TRANK1: variants seen among roughly 807,000 people sequenced by gnomAD.
TRANK1 encodes TPR and ankyrin repeat-containing protein 1.
TRANK1 carries 198 observed loss-of-function variants against 266.0 expected under a neutral mutation model. The ratio of observed to expected loss-of-function variants is 0.74; its 90% CI spans 0.66 to 0.84. The LOEUF (loss-of-function observed/expected upper bound fraction) is 0.84. Among genes scored for constraint, TRANK1 ranks in the 40% least tolerant of loss-of-function variants. TRANK1 has a pLI of 0.00. For synonymous variants in TRANK1, 1,396 were observed against 1,384.1 expected (o/e 1.01, Z -0.19); for missense variants, 3,326 against 3,634.6 (o/e 0.92, Z 2.18).
In TRANK1 at chr3:36,832,964, C is replaced by T. The variant is rs751872402; in HGVS notation, c.6619G>A (p.Glu2207Lys). The change falls in exon 22 of 24, where the codon GAA (glutamate) becomes AAA (lysine). Residue 2207 changes from glutamate to lysine, a missense_variant. Transcript: ENST00000645898. The stretch of plus-strand genomic sequence containing the variant: ...CGCCGCAGAGGCCTGTGAAAATGTT[C>T]ACAGTTTTCATCCTCACATTTTAAG... ...VGLKCEDENC[E>K]HFHRPLRRCE... The T allele has an allele frequency of 6.2e-7, 1 of 1,611,322 alleles. No homozygotes were observed. The highest frequency in any genetic ancestry group is 1.1e-5 in the South Asian group (1 of 90,756).
intron 13 of TRANK1, among the ~76,000 whole-genome samples, chr3:36,853,202 A>T (rs537296942): frequency 6.6e-6 from 1 of 152,308 alleles, no homozygotes; most frequent in Non-Finnish European, 1.5e-5. Flanking sequence ...GACAGATGAG[A>T]CAATTGCACT....
intron 1 of TRANK1, chr3:36,908,707 G>C: frequency 1.1e-6 from 1 of 884,164 alleles, no homozygotes; most frequent in Non-Finnish European, 1.4e-6. Flanking sequence ...TAATGATCTG[G>C]AGGAGGCTGC....
chr3:36,898,991 G>T, intron 4 of TRANK1, 118 bp downstream of exon 4: 1 of 1,110,058 alleles, frequency 9.0e-7, no homozygotes, highest in Non-Finnish European at 1.3e-6. Flanking sequence ...TCATTAAACT[G>T]CATAAATCAG....
At chr3:36,852,458 T>C in intron 13 of TRANK1, 113 bp from the exon 14 acceptor site, 1 of 974,530 alleles carries the variant, frequency 1.0e-6, no homozygotes, top group Non-Finnish European at 1.5e-6. Flanking sequence ...CCCTACAGTA[T>C]GTATAATTGC....
intron 19 of TRANK1, 24 bp from the exon 20 acceptor site, chr3:36,838,528 T>C (rs2078800375): frequency 6.2e-7 from 1 of 1,613,964 alleles, no homozygotes; most frequent in Non-Finnish European, 8.5e-7. Flanking sequence ...AACAAAATAA[T>C]ATTTCCACGG....
rs76807418 is a variant in TRANK1, at chr3:36,836,163, G to A, written c.5518-1256C>T. Among the ~76,000 whole-genome samples, 307 of 152,314 alleles carry A rather than the reference G, an allele frequency of 2.0e-3. 4 individuals are homozygous for A. Among genetic ancestry groups the A allele is most frequent in the African/African-American group, 6.8e-3 (284 of 41,560 alleles). On this transcript the variant is annotated intron_variant, in intron 20 of 23. Coordinates refer to ENST00000645898, the MANE Select transcript of TRANK1 (RefSeq NM_001329998.2). ...GAACCCTCATGCACAAAGTGGAATGGCTATCCCAGAAAGCGAAGGGACTGT... is the reference window on the plus strand; with the variant it reads ...GAACCCTCATGCACAAAGTGGAATGACTATCCCAGAAAGCGAAGGGACTGT...
rs1330913999 is a variant in TRANK1, at chr3:36,879,900, ATG to A, written c.908-5606_908-5605del. Among the ~76,000 whole-genome samples the A allele has an allele frequency of 1.2e-4, 9 of 75,020 alleles. 3 individuals are homozygous for A. Among genetic ancestry groups the A allele is most frequent in the Non-Finnish European group, 1.6e-4 (7 of 44,704 alleles). 49.2% of individuals were successfully genotyped at this position (75,020 alleles called of 152,430 possible). A position where few individuals can be genotyped will look rare whatever the true frequency, so the allele number is the denominator to read the frequency against. On this transcript the variant is annotated intron_variant, in intron 8 of 23. Coordinates refer to ENST00000645898, the MANE Select transcript of TRANK1 (RefSeq NM_001329998.2). ...CAAATATATGTAAACATGCAAATATATGTAAACATGCAAATATATGTAAACAT... is the reference window on the plus strand; with the variant it reads ...CAAATATATGTAAACATGCAAATATATAAACATGCAAATATATGTAAACAT...
chr3:36,877,852 G>A (rs751542173), intron 8 of TRANK1, among the ~76,000 whole-genome samples: 2 of 152,116 alleles, frequency 1.3e-5, no homozygotes, highest in East Asian at 1.9e-4. Context: ...ATTGACCATC[G>A]TTCACCAGTA....
chr3:36,848,821 T>A lies in TRANK1; in HGVS notation c.4888-1475A>T, dbSNP rs144834017. ...AAGGAAAGTAGGCAGAAGACACAAGTGTTTGACATTTGAGAGGATCCTCCT... is the reference window on the plus strand; with the variant it reads ...AAGGAAAGTAGGCAGAAGACACAAGAGTTTGACATTTGAGAGGATCCTCCT... On this transcript the variant is annotated intron_variant, in intron 15 of 23. Coordinates refer to ENST00000645898, the MANE Select transcript of TRANK1 (RefSeq NM_001329998.2). Among the ~76,000 whole-genome samples, 19 of 152,286 alleles carry A rather than the reference T, an allele frequency of 1.2e-4. No individual in the cohort carries two copies. The East Asian group carries it at 3.5e-3, about 28-fold the overall frequency.
In TRANK1 at chr3:36,847,351, A is replaced by AC; in HGVS notation, c.4888-6dup. On this transcript the variant is annotated splice_region_variant and splice_polypyrimidine_tract_variant and intron_variant, in intron 15 of 23. Transcript: ENST00000645898. ...GATCTTCCATTCCTTATAAGCCTGA[A>AC]CAACAACAAAAAAGTGAAGACCAAC... 6.2e-7 allele frequency: 1 copy of AC among 1,613,122 alleles called. No individual in the cohort carries two copies. The highest frequency in any genetic ancestry group is 8.5e-7 in the Non-Finnish European group (1 of 1,179,420).
chr3:36,834,675 C>T, intron 21 of TRANK1, 87 bp downstream of exon 21: 1 of 1,456,390 alleles, frequency 6.9e-7, no homozygotes, highest in Non-Finnish European at 9.2e-7. Flanking sequence ...ATGTCAGAAG[C>T]AGCAGGATAG....
Position 36,846,401 on chromosome 3 carries a change from G to T in TRANK1, c.5038C>A (p.Leu1680Ile). The T allele has an allele frequency of 6.2e-7, 1 of 1,611,582 alleles. No individual in the cohort carries two copies. Among genetic ancestry groups the T allele is most frequent in the African/African-American group, 1.3e-5 (1 of 74,902 alleles). ...LMVNPEMYKL[L>I]NGELKQLYTA... ...TACAGCTGCTTCAGCTCTCCGTTGA[G>T]GAGCTAAAGATAACATTGAGGACAA... The change falls in exon 17 of 24, where the codon CTC (leucine) becomes ATC (isoleucine). Residue 1680 changes from leucine (L) to isoleucine (I), a missense_variant. Coordinates refer to ENST00000645898, the MANE Select transcript of TRANK1 (RefSeq NM_001329998.2).
In TRANK1 at chr3:36,830,974, C is replaced by T; in HGVS notation, c.8609G>A (p.Gly2870Asp). The T allele has an allele frequency of 1.2e-6, 2 of 1,614,010 alleles. No individual in the cohort carries two copies. The highest frequency in any genetic ancestry group is 1.7e-6 in the Non-Finnish European group (2 of 1,179,892). ...EQSVWIHSHV[G>D]SKEHSHMLQK... ...CAGCATGTGGCTGTGCTCCTTGGAGCCCACGTGACTGTGGATCCATACACT... is the reference window on the plus strand; with the variant it reads ...CAGCATGTGGCTGTGCTCCTTGGAGTCCACGTGACTGTGGATCCATACACT... Residue 2870 changes from glycine to aspartate, a missense_variant, in exon 22 of 24, where the codon GGC becomes GAC. Gly to Asp is a moderately conservative substitution (Grantham distance 94, BLOSUM62 -1). Transcript: ENST00000645898.
At chr3:36,927,137 C>G (rs543368345) in intron 1 of TRANK1, among the ~76,000 whole-genome samples, 2 of 152,288 alleles carry the variant, frequency 1.3e-5, no homozygotes, top group South Asian at 4.1e-4. Context: ...CACAGCGACT[C>G]TGCCTAATTT....
chr3:36,918,746 C>T (rs2080174496), intron 1 of TRANK1, among the ~76,000 whole-genome samples: 1 of 152,128 alleles, frequency 6.6e-6, no homozygotes, highest in African/African-American at 2.4e-5. Flanking sequence ...CTGACAGAAA[C>T]ATTACTGATT....
intron 8 of TRANK1, among the ~76,000 whole-genome samples, chr3:36,887,477 C>T (rs2079623921): frequency 6.6e-6 from 1 of 152,174 alleles, no homozygotes; most frequent in African/African-American, 2.4e-5. Flanking sequence ...ACATCTCTTC[C>T]CAACTCTGTG....
chr3:36,866,384 C>T (rs1462609595), intron 9 of TRANK1, among the ~76,000 whole-genome samples: 2 of 152,200 alleles, frequency 1.3e-5, no homozygotes, highest in Non-Finnish European at 2.9e-5. Context: ...AAGCATGCTT[C>T]AGTCAGGTTC....
rs764277710 is a variant in TRANK1 at position 36,833,178 on chromosome 3, C to T, written c.6405G>A (p.Gly2135=). Residue 2135 remains glycine (G), a synonymous_variant, in exon 22 of 24, where the codon GGG becomes GGA. Transcript: ENST00000645898. ...KYCQIAQNDP[G]PILRIIFDLD... is the part of the protein sequence containing the mutation. The stretch of plus-strand genomic sequence containing the variant: ...GGTCAAAAATTATTCTTAATATGGG[C>T]CCAGGGTCATTCTGAGCTATCTGGC... The T allele has an allele frequency of 6.8e-6, 11 of 1,613,678 alleles. No homozygotes were observed. The highest frequency in any genetic ancestry group is 1.3e-5 in the African/African-American group (1 of 74,886).
intron 8 of TRANK1, among the ~76,000 whole-genome samples, chr3:36,887,606 C>G (rs987057304): frequency 1.3e-5 from 2 of 152,140 alleles, no homozygotes; most frequent in African/African-American, 4.8e-5. Context: ...GATTTGTGCA[C>G]GGACCTTCTT....
Sources: gnomAD v4.1 joint callset for allele counts (sites outside exome capture counted in the v4.1 genomes callset) on GRCh38, gnomAD v4.1.1 for gene constraint, MANE v1.5 for transcripts, NCBI Gene and HGNC (gene_info 2026-07-23, HGNC 2026-07-21) for gene names.